Variants in ARHGEF40 observed in about 807,000 individuals in gnomAD.
ARHGEF40 encodes Rho guanine nucleotide exchange factor (GEF) 40.
A neutral mutation model predicts 165.9 loss-of-function variants in ARHGEF40; 98 were observed. The observed-to-expected ratio is 0.59, with a 90% confidence interval of 0.50 to 0.70. ARHGEF40 has a LOEUF of 0.70. ARHGEF40 is among the 30% of genes least tolerant of loss of function. The probability of loss-of-function intolerance (pLI) is 0.00; values close to 1 mark genes in which losing one functional copy is unlikely to be tolerated. For missense variants in ARHGEF40, 1,815 were observed against 1,968.0 expected (o/e 0.92, Z 1.47); for synonymous variants, 792 against 814.3 (o/e 0.97, Z 0.47).
intron 19 of ARHGEF40, chr14:21,086,219 A>G (rs1888320890): frequency 3.8e-6 from 1 of 259,926 alleles, no homozygotes; most frequent in Non-Finnish European, 7.6e-6. Context: ...TCCACAAAAA[A>G]TTTTAAAATT....
chr14:21,088,774 G>A, intron 22 of ARHGEF40, 56 bp from the exon 23 acceptor site: 1 of 1,554,578 alleles, frequency 6.4e-7, no homozygotes, highest in Non-Finnish European at 8.8e-7. Flanking sequence ...TGGAGGAAAA[G>A]AGAGAGAAAG....
Position 21,073,452 on chromosome 14 carries a change from ACACACACATTCATCTTCCC to A in ARHGEF40, c.201+213_201+231del, listed in dbSNP as rs1887142242. ...CATTCAGATGCTAACACACACACACACACACACATTCATCTTCCCCAAATTCATCTTGACCCCAATACTG... is the reference window on the plus strand; with the variant it reads ...CATTCAGATGCTAACACACACACACACAAATTCATCTTGACCCCAATACTG... On this transcript the variant is annotated intron_variant, in intron 2 of 23. Transcript: ENST00000298694. This position sits in a 1 kb window ranked among gnomAD's most constrained non-coding sequence, Gnocchi z 4.6. 1.4e-5 allele frequency among the ~76,000 whole-genome samples: 2 copies of A among 147,814 alleles called. No homozygotes were observed.
At position 21,084,703 on chromosome 14, in the gene ARHGEF40, TACAA is replaced by T. The variant is rs757394942; in HGVS notation, c.3790-44_3790-41del. On this transcript the variant is annotated intron_variant, in intron 17 of 23. Coordinates refer to ENST00000298694, the MANE Select transcript of ARHGEF40 (RefSeq NM_018071.5). ...AAATCTATTTTTGCTCCCTGTAAAATACAAACAAAGGGCCCCTGGGCCAACCACT... is the reference window on the plus strand; with the variant it reads ...AAATCTATTTTTGCTCCCTGTAAAATACAAAGGGCCCCTGGGCCAACCACT... The T allele has an allele frequency of 4.4e-6, 7 of 1,575,334 alleles. No homozygotes were observed. In the East Asian group the frequency reaches 1.3e-4, roughly 30 times the overall value.
chr14:21,069,077 G>A (rs1447021781), upstream of ARHGEF40, among the ~76,000 whole-genome samples: 1 of 152,196 alleles, frequency 6.6e-6, no homozygotes, highest in African/African-American at 2.4e-5. Context: ...TCGGCTTTCC[G>A]ATCTCCTCTC....
upstream of ARHGEF40, among the ~76,000 whole-genome samples, chr14:21,066,198 T>C (rs112640968): frequency 1.7e-3 from 254 of 152,138 alleles, 2 homozygotes; most frequent in African/African-American, 5.8e-3. Flanking sequence ...CACAGGGCTA[T>C]GGTAAAAGAT....
chr14:21,082,323 C>G lies in ARHGEF40; in HGVS notation c.3331C>G (p.Pro1111Ala). The stretch of plus-strand genomic sequence containing the variant: ...CACCTTGAGTGAGCCAGTGCCACCC[C>G]CTGGGCCTGAGCTGACGCCTGAACT... ...VATLSEPVPP[P>A]GPELTPELRG... Residue 1111 changes from proline to alanine, a missense_variant, in exon 15 of 24, where the codon CCT (proline) becomes GCT (alanine). Pro to Ala is a conservative substitution (Grantham distance 27). Transcript: ENST00000298694. The G allele has an allele frequency of 6.2e-7, 1 of 1,613,072 alleles. No homozygotes were observed.
At position 21,076,345 on chromosome 14, in the gene ARHGEF40, T is replaced by C. The variant is rs764308205; in HGVS notation, c.1740-15T>C. ...ACACACACAGCAGCCTCCTTGGCTC[T>C]TCCTGCTCCCGCAGGCCTGATCTAC... On this transcript the variant is annotated splice_polypyrimidine_tract_variant and intron_variant, in intron 5 of 23. Transcript: ENST00000298694. The C allele has an allele frequency of 1.9e-6, 3 of 1,610,588 alleles. No individual in the cohort carries two copies. The South Asian group carries it at 3.3e-5, about 18-fold the overall frequency.
At position 21,085,717 on chromosome 14, in the gene ARHGEF40, T is replaced by G. The variant is rs1355732707; in HGVS notation, c.3989T>G (p.Ile1330Ser). 1 of 1,614,052 alleles carries G rather than the reference T, an allele frequency of 6.2e-7. No homozygotes were observed. Among genetic ancestry groups the G allele is most frequent in the African/African-American group, 1.3e-5 (1 of 75,040 alleles). ...GCTGATATGGGGCTGACAGAAAACA[T>G]CGGGGACAGCGGACTCTGCTTTGAG... is the stretch of plus-strand genomic sequence containing the variant. Reference protein sequence around the residue: ...KTADMGLTENIGDSGLCFELW... With the variant: ...KTADMGLTENSGDSGLCFELW... The change falls in exon 19 of 24, where the codon ATC becomes AGC. Residue 1330 changes from isoleucine (I) to serine (S), a missense_variant. Ile to Ser is a moderately radical substitution (Grantham distance 142). Coordinates refer to ENST00000298694, the MANE Select transcript of ARHGEF40 (RefSeq NM_018071.5).
the ARHGEF40 span, among the ~76,000 whole-genome samples, chr14:21,062,835 A>G: frequency 6.6e-6 from 1 of 150,820 alleles, no homozygotes; most frequent in South Asian, 2.1e-4. Flanking sequence ...TCCACCTCCC[A>G]GGTTCCAGTG....
chr14:21,063,286 T>C, the ARHGEF40 span, among the ~76,000 whole-genome samples: 2 of 152,198 alleles, frequency 1.3e-5, no homozygotes, highest in African/African-American at 4.8e-5. Context: ...AGTAAAGTTC[T>C]GTTAATGGAA....
intron 11 of ARHGEF40, 56 bp downstream of exon 11, chr14:21,079,066 C>G: frequency 6.4e-7 from 1 of 1,570,048 alleles, no homozygotes; most frequent in African/African-American, 1.3e-5. Flanking sequence ...GCCTCCAGCA[C>G]CTTTCCCGTT....
rs372238993 is a variant in ARHGEF40 at position 21,082,823 on chromosome 14, T to C, written c.3487-8T>C. ...CGGGGACTCCTTATCTGTTCTTTAC[T>C]GGCACAGGGGGACCAGTTCAGCCTT... On this transcript the variant is annotated splice_region_variant and splice_polypyrimidine_tract_variant and intron_variant, in intron 15 of 23. Transcript: ENST00000298694. 3.7e-6 allele frequency: 6 copies of C among 1,613,856 alleles called. No individual in the cohort carries two copies. The African/African-American group carries it at 6.7e-5, about 18-fold the overall frequency.
At chr14:21,088,180 G>A in intron 22 of ARHGEF40, 82 bp downstream of exon 22, 13 of 1,464,004 alleles carry the variant, frequency 8.9e-6, no homozygotes, top group Non-Finnish European at 1.1e-5. Flanking sequence ...TTCAACCCCA[G>A]GGGGGTTGGG....
chr14:21,075,824 C>T lies in ARHGEF40; in HGVS notation c.1739+59C>T. 11 of 1,576,672 alleles carry T rather than the reference C, an allele frequency of 7.0e-6. No individual in the cohort carries two copies. The highest frequency in any genetic ancestry group is 8.6e-6 in the Non-Finnish European group (10 of 1,158,534). On this transcript the variant is annotated intron_variant, in intron 5 of 23. Transcript: ENST00000298694. The surrounding 1 kb of genome is among the most constrained non-coding windows in gnomAD (Gnocchi z 4.5). Reference sequence around the variant, plus strand: ...TAACCTCCTGATTCATGAGGACCCTCACCTCCTTCTTCTCAGGACACTGAC... The same window carrying T: ...TAACCTCCTGATTCATGAGGACCCTTACCTCCTTCTTCTCAGGACACTGAC...
rs138217872 is a variant in ARHGEF40, at chr14:21,078,929, G to T, written c.2292G>T (p.Glu764Asp). Residue 764 changes from glutamate (E) to aspartate (D), a missense_variant, in exon 11 of 24, where the codon GAG becomes GAT. Physicochemically the swap from Glu to Asp is conservative, Grantham distance 45 (BLOSUM62 2). Transcript: ENST00000298694. ...CTACACTGTATCAGGAAGTGGACGA[G>T]GCCATTCACCAGCTTGTGCGCCTCT... ...GPATLYQEVD[E>D]AIHQLVRLSN... 4.0e-4 allele frequency: 639 copies of T among 1,614,198 alleles called. No homozygotes were observed. The highest frequency in any genetic ancestry group is 5.1e-4 in the Non-Finnish European group (599 of 1,180,002).
rs563871986 is a variant in ARHGEF40 at position 21,074,583 on chromosome 14, A to G, written c.853A>G (p.Arg285Gly). ...KGAGGKGRHR[R>G]HRAWMHQKGL... ...CGCTGGAGGGAAGGGCCGCCACCGG[A>G]GACACCGGGCGTGGATGCACCAGAA... The change falls in exon 3 of 24, where the codon AGA becomes GGA. Residue 285 changes from arginine (R) to glycine (G), a missense_variant. By Grantham distance (125) the Arg-to-Gly change is moderately radical. Coordinates refer to ENST00000298694, the MANE Select transcript of ARHGEF40 (RefSeq NM_018071.5). The surrounding 1 kb of genome is among the most constrained non-coding windows in gnomAD (Gnocchi z 4.8). The G allele has an allele frequency of 5.1e-6, 8 of 1,560,820 alleles. No individual in the cohort carries two copies. The Admixed American group carries it at 1.2e-4, about 23-fold the overall frequency.
rs527744379 is a variant in ARHGEF40, at chr14:21,080,760, G to T, written c.2474G>T (p.Arg825Leu). 4.4e-6 allele frequency: 7 copies of T among 1,608,724 alleles called. No individual in the cohort carries two copies. The highest frequency in any genetic ancestry group is 1.1e-5 in the South Asian group (1 of 90,364). ...CTGCAGGAGACAGAGCTGCGATTCC[G>T]TGCTTTCAGCGCTGAGGTCCAGGTG... ...SALQETELRF[R>L]AFSAEVQERL... is the part of the protein sequence containing the mutation. The change falls in exon 12 of 24, where the codon CGT (arginine) becomes CTT (leucine). Residue 825 changes from arginine (R) to leucine (L), a missense_variant. By Grantham distance (102) the Arg-to-Leu change is moderately radical. Coordinates refer to ENST00000298694, the MANE Select transcript of ARHGEF40 (RefSeq NM_018071.5).
chr14:21,082,949 TAG>T, intron 16 of ARHGEF40, 32 bp downstream of exon 16: 1 of 1,600,910 alleles, frequency 6.2e-7, no homozygotes. Context: ...AGGAGAAAAG[TAG>T]AGAGGCCAGA....
At position 21,078,215 on chromosome 14, in the gene ARHGEF40, G is replaced by A; in HGVS notation, c.2073G>A (p.Leu691=). 1 of 1,614,100 alleles carries A rather than the reference G, an allele frequency of 6.2e-7. No homozygotes were observed. Among genetic ancestry groups the A allele is most frequent in the Non-Finnish European group, 8.5e-7 (1 of 1,180,002 alleles). ...TATGTCGCCTGTGCCAAGGTGTGCT[G>A]GGCTCGGTACGGCAGGCCATTGAGG... ...VRLCRLCQGV[L]GSVRQAIEEL... Residue 691 remains leucine (L), a synonymous_variant, in exon 9 of 24, where the codon CTG becomes CTA. Transcript: ENST00000298694.
Sources: allele counts gnomAD v4.1 joint callset (sites outside exome capture counted in the v4.1 genomes callset), GRCh38; gene constraint gnomAD v4.1.1; non-coding constraint Gnocchi (gnomAD v3.1); transcripts MANE v1.5; gene names NCBI Gene and HGNC (gene_info 2026-07-23, HGNC 2026-07-21).